THADA: variants seen among roughly 807,000 people sequenced by gnomAD.
The protein encoded by THADA is tRNA (32-2'-O)-methyltransferase regulator THADA.
A neutral mutation model predicts 219.8 loss-of-function variants in THADA; 213 were observed. The ratio of observed to expected loss-of-function variants is 0.97; its 90% CI spans 0.87 to 1.09. The LOEUF (loss-of-function observed/expected upper bound fraction) is 1.09, where lower values mean the gene tolerates loss of function less well. THADA is among the 50% of genes least tolerant of loss of function. THADA has a pLI of 0.00. For missense variants in THADA, 2,956 were observed against 2,311.3 expected (o/e 1.28, Z -5.72); for synonymous variants, 1,018 against 828.9 (o/e 1.23, Z -3.92).
In THADA at chr2:43,407,481, T is replaced by C. The variant is rs542228024; in HGVS notation, c.4059-9342A>G. 7.9e-5 allele frequency among the ~76,000 whole-genome samples: 12 copies of C among 152,306 alleles called. No individual in the cohort carries two copies. The East Asian group carries it at 1.9e-3, about 24-fold the overall frequency. ...AAAGTACTCTAATTCTAGTCCAAGG[T>C]TGACTGCACAAATCATAGGTGCTGA... On this transcript the variant is annotated intron_variant, in intron 28 of 37. Coordinates refer to ENST00000405975, the MANE Select transcript of THADA (RefSeq NM_022065.5).
chr2:43,381,848 G>A (rs1672074206), intron 29 of THADA, among the ~76,000 whole-genome samples: 2 of 152,132 alleles, frequency 1.3e-5, no homozygotes, highest in African/African-American at 4.8e-5. Flanking sequence ...GCCTCCCAAA[G>A]TGCTGGGATT....
chr2:43,533,948 T>C (rs1182746156), intron 21 of THADA, among the ~76,000 whole-genome samples: 1 of 152,204 alleles, frequency 6.6e-6, no homozygotes, highest in African/African-American at 2.4e-5. Context: ...GGTGACATTA[T>C]GGACATATAA....
chr2:43,259,988 CT>C (rs559493943), intron 36 of THADA, among the ~76,000 whole-genome samples: 11 of 152,196 alleles, frequency 7.2e-5, no homozygotes, highest in Admixed American at 3.9e-4. Flanking sequence ...TGACAGCAAT[CT>C]TTTTTTTCTT....
At chr2:43,286,327 G>C (rs913168942) in intron 35 of THADA, among the ~76,000 whole-genome samples, 11 of 152,208 alleles carry the variant, frequency 7.2e-5, no homozygotes, top group African/African-American at 2.7e-4. Flanking sequence ...ACTGAAAGCA[G>C]TGGGAACCCA....
intron 29 of THADA, among the ~76,000 whole-genome samples, chr2:43,381,304 TA>T (rs1389455792): frequency 6.6e-6 from 1 of 151,986 alleles, no homozygotes. Flanking sequence ...CTGATTGAAA[TA>T]AATGATTGAA....
chr2:43,439,704 G>A (rs1399465931), intron 26 of THADA, among the ~76,000 whole-genome samples: 1 of 152,154 alleles, frequency 6.6e-6, no homozygotes, highest in Non-Finnish European at 1.5e-5. Flanking sequence ...TGAGTGCATA[G>A]GAAAAAATAT....
intron 31 of THADA, among the ~76,000 whole-genome samples, chr2:43,318,094 C>G (rs1483959653): frequency 6.6e-6 from 1 of 152,004 alleles, no homozygotes; most frequent in Non-Finnish European, 1.5e-5. Context: ...GGCTGGAAAG[C>G]AATGGCATGA....
chr2:43,374,542 T>C (rs1404838042), intron 29 of THADA, among the ~76,000 whole-genome samples: 1 of 152,084 alleles, frequency 6.6e-6, no homozygotes, highest in African/African-American at 2.4e-5. Context: ...AAAAGTAAAA[T>C]AGCACTATCA....
chr2:43,334,830 T>C (rs1317783421), intron 30 of THADA, among the ~76,000 whole-genome samples: 1 of 151,480 alleles, frequency 6.6e-6, no homozygotes, highest in Admixed American at 6.6e-5. Flanking sequence ...CTGAGGCCAC[T>C]GGGATGGCGG....
Position 43,231,215 on chromosome 2 carries a change from A to G in THADA, c.5595T>C (p.Pro1865=), listed in dbSNP as rs375567387. The G allele has an allele frequency of 1.9e-6, 3 of 1,613,850 alleles. No individual in the cohort carries two copies. Among genetic ancestry groups the G allele is most frequent in the Non-Finnish European group, 1.7e-6 (2 of 1,179,800 alleles). The change falls in exon 38 of 38, where the codon CCT becomes CCC. Residue 1865 remains proline, a synonymous_variant. Transcript: ENST00000405975. ...TCCTTTGAAGGTGACAGAGCATCTC[A>G]GGGCTTGGGGGACGCCAGCCGGACT... ...LSKSGWRPPS[P]EMLCHLQRMV...
chr2:43,485,402 TA>T, intron 25 of THADA, 77 bp from the exon 26 acceptor site: 1 of 1,018,166 alleles, frequency 9.8e-7, no homozygotes, highest in Non-Finnish European at 1.5e-6. Context: ...TCAAACTAGA[TA>T]ATTCAAAATC....
chr2:43,586,126 G>A (rs1237859683), intron 7 of THADA, among the ~76,000 whole-genome samples: 1 of 151,992 alleles, frequency 6.6e-6, no homozygotes, highest in Non-Finnish European at 1.5e-5. Flanking sequence ...CTATCTGGGT[G>A]TGGTGGTGCA....
chr2:43,401,649 C>T (rs900286572), intron 28 of THADA, among the ~76,000 whole-genome samples: 16 of 152,196 alleles, frequency 1.1e-4, no homozygotes, highest in African/African-American at 3.6e-4. Context: ...TGATAAAACA[C>T]CTGCACACCT....
At chr2:43,373,770 G>A (rs944119725) in intron 29 of THADA, among the ~76,000 whole-genome samples, 4 of 152,150 alleles carry the variant, frequency 2.6e-5, no homozygotes, top group Admixed American at 6.5e-5. Context: ...GAGCCAATGA[G>A]CCTGCCCAAG....
At chr2:43,326,042 A>T (rs1018422121) in intron 30 of THADA, among the ~76,000 whole-genome samples, 2 of 152,070 alleles carry the variant, frequency 1.3e-5, no homozygotes, top group Non-Finnish European at 2.9e-5. Flanking sequence ...TTGGCAATTT[A>T]TATCTTACGC....
intron 29 of THADA, among the ~76,000 whole-genome samples, chr2:43,373,495 A>G (rs902564415): frequency 3.3e-5 from 5 of 149,742 alleles, no homozygotes; most frequent in African/African-American, 1.2e-4. Context: ...TTTTTTTTTG[A>G]GACAGGGTCT....
At chr2:43,379,012 A>T (rs998793357) in intron 29 of THADA, among the ~76,000 whole-genome samples, 6 of 152,220 alleles carry the variant, frequency 3.9e-5, no homozygotes, top group Non-Finnish European at 1.5e-5. Context: ...AGAAGAAAGG[A>T]GTGGGATGCA....
rs1296026827 is a variant in THADA, at chr2:43,291,169, G to A, written c.5010+527C>T. 2.0e-5 allele frequency among the ~76,000 whole-genome samples: 3 copies of A among 151,912 alleles called. No homozygotes were observed. In the East Asian group the frequency reaches 5.8e-4, roughly 29 times the overall value. ...CTAATTAAAAAAATGCCTAAAACAG[G>A]CTGGGCGCAGTGGCCCACATCTGTA... On this transcript the variant is annotated intron_variant, in intron 34 of 37. Transcript: ENST00000405975.
At chr2:43,311,095 G>C (rs1034697375) in intron 31 of THADA, among the ~76,000 whole-genome samples, 11 of 152,058 alleles carry the variant, frequency 7.2e-5, no homozygotes, top group African/African-American at 2.4e-4. Context: ...AGAATCGCTT[G>C]AAACCGGGAG....
Sources: gnomAD v4.1 joint callset for allele counts (sites outside exome capture counted in the v4.1 genomes callset) on GRCh38, gnomAD v4.1.1 for gene constraint, MANE v1.5 for transcripts, NCBI Gene and HGNC (gene_info 2026-07-23, HGNC 2026-07-21) for gene names.